Variants in ALPK1 observed in about 807,000 individuals in gnomAD.
ALPK1 encodes the protein alpha-protein kinase 1.
ALPK1 carries 110 observed loss-of-function variants against 120.6 expected under a neutral mutation model. That is an observed-to-expected ratio of 0.91 (90% confidence interval 0.78 to 1.07). The LOEUF (loss-of-function observed/expected upper bound fraction) is 1.07. Among genes scored for constraint, ALPK1 ranks in the 50% least tolerant of loss-of-function variants. ALPK1 has a pLI of 0.00. For synonymous variants in ALPK1, 582 were observed against 560.3 expected, an observed-to-expected ratio of 1.04 and a Z score of -0.55; for missense variants, 1,498 against 1,483.9, an observed-to-expected ratio of 1.01 and a Z score of -0.16.
intron 2 of ALPK1, chr4:112,359,086 C>T: frequency 1.3e-6 from 1 of 741,990 alleles, no homozygotes; most frequent in Non-Finnish European, 2.5e-6. Flanking sequence ...ACTGGAAGGA[C>T]AGCGCCGGAT....
chr4:112,411,349 C>G (rs1055736362), intron 4 of ALPK1, among the ~76,000 whole-genome samples: 4 of 152,146 alleles, frequency 2.6e-5, no homozygotes, highest in African/African-American at 9.7e-5. Flanking sequence ...CTCAGCCTCC[C>G]GAGTAGCTGG....
chr4:112,415,152 G>A (rs1356426679), intron 5 of ALPK1: 2 of 152,184 alleles, frequency 1.3e-5, no homozygotes, highest in Non-Finnish European at 2.9e-5. Context: ...TGAGTGTGGA[G>A]TCTGAATTTA....
intron 2 of ALPK1, among the ~76,000 whole-genome samples, chr4:112,333,293 C>A (rs1560640816): frequency 6.6e-6 from 1 of 152,202 alleles, no homozygotes; most frequent in Non-Finnish European, 1.5e-5. Flanking sequence ...TTTCTACTTT[C>A]ATTCCCAGAT....
chr4:112,423,906 C>A, intron 5 of ALPK1, 38 bp from the exon 6 acceptor site: 1 of 1,609,392 alleles, frequency 6.2e-7, no homozygotes, highest in South Asian at 1.1e-5. Context: ...AGTGCATGTT[C>A]AAAGCTAATT....
intron 13 of ALPK1, among the ~76,000 whole-genome samples, chr4:112,438,863 C>A (rs1281767072): frequency 6.6e-6 from 1 of 152,146 alleles, no homozygotes; most frequent in Non-Finnish European, 1.5e-5. Context: ...CATCTGTTGG[C>A]CTCACCCCTT....
Position 112,442,316 on chromosome 4 carries a change from G to A in ALPK1, c.*1106G>A, listed in dbSNP as rs1735071223. The stretch of plus-strand genomic sequence containing the variant: ...AAGAATGAGATCATGTCCTTTGCAG[G>A]GACATGGATAGAGCTGGAGGCCATT... On this transcript the variant is annotated 3_prime_UTR_variant, in exon 16 of 16. Coordinates refer to ENST00000650871, the MANE Select transcript of ALPK1 (RefSeq NM_025144.4). 6.6e-6 allele frequency: 1 copy of A among 152,134 alleles called. No individual in the cohort carries two copies. Among genetic ancestry groups the A allele is most frequent in the Non-Finnish European group, 1.5e-5 (1 of 68,020 alleles). 9.4% of individuals were successfully genotyped at this position (152,134 alleles called of 1,614,324 possible). A position where few individuals can be genotyped will look rare whatever the true frequency, so the allele number is the denominator to read the frequency against.
At chr4:112,424,151 G>A in intron 6 of ALPK1, 148 bp downstream of exon 6, 2 of 659,904 alleles carry the variant, frequency 3.0e-6, no homozygotes, top group East Asian at 2.9e-5. Flanking sequence ...GAATGAAGAA[G>A]CTTTGATCAA....
At chr4:112,366,681 G>A (rs772022372) in intron 2 of ALPK1, among the ~76,000 whole-genome samples, 6 of 152,142 alleles carry the variant, frequency 3.9e-5, no homozygotes, top group Non-Finnish European at 8.8e-5. Context: ...ATTTGATCCA[G>A]CAATCCCACT....
At chr4:112,364,096 A>C (rs552682176) in intron 2 of ALPK1, among the ~76,000 whole-genome samples, 1 of 152,282 alleles carries the variant, frequency 6.6e-6, no homozygotes, top group South Asian at 2.1e-4. Context: ...TTAAATGTCT[A>C]CACTAAAAAG....
intron 2 of ALPK1, among the ~76,000 whole-genome samples, chr4:112,333,393 G>A (rs1729470471): frequency 6.6e-6 from 1 of 152,142 alleles, no homozygotes; most frequent in Admixed American, 6.5e-5. Context: ...ACTATCCCTG[G>A]AACATAATTA....
chr4:112,370,577 A>G (rs1417581310), intron 2 of ALPK1, among the ~76,000 whole-genome samples: 3 of 152,240 alleles, frequency 2.0e-5, no homozygotes, highest in Non-Finnish European at 4.4e-5. Flanking sequence ...TGATTCCTTT[A>G]TAAATGAAGT....
chr4:112,357,882 G>A (rs1730715760), intron 2 of ALPK1: 5 of 1,153,600 alleles, frequency 4.3e-6, no homozygotes, highest in Non-Finnish European at 6.5e-6. Context: ...TGAGGCCGCT[G>A]TTTGTGGAGC....
intron 2 of ALPK1, among the ~76,000 whole-genome samples, chr4:112,332,144 G>A (rs1169009298): frequency 6.6e-6 from 1 of 152,204 alleles, no homozygotes; most frequent in Non-Finnish European, 1.5e-5. Flanking sequence ...AGTGGCAAGA[G>A]AGGTTTATTC....
chr4:112,310,466 A>G (rs1159899509), intron 1 of ALPK1, among the ~76,000 whole-genome samples: 4 of 152,124 alleles, frequency 2.6e-5, no homozygotes, highest in African/African-American at 9.7e-5. Context: ...ATCAGCGGGT[A>G]TGTGTTTTAA....
At chr4:112,328,286 C>T (rs1197599534) in intron 2 of ALPK1, among the ~76,000 whole-genome samples, 8 of 152,220 alleles carry the variant, frequency 5.3e-5, no homozygotes, top group Non-Finnish European at 8.8e-5. Flanking sequence ...CTGGTAGAAA[C>T]GTTTTGGCTC....
At chr4:112,366,019 A>C (rs1459793862) in intron 2 of ALPK1, among the ~76,000 whole-genome samples, 2 of 152,216 alleles carry the variant, frequency 1.3e-5, no homozygotes, top group Non-Finnish European at 2.9e-5. Flanking sequence ...GAAGAATAGA[A>C]CTGGATCCTC....
chr4:112,361,213 T>G (rs1730896359), intron 2 of ALPK1, among the ~76,000 whole-genome samples: 1 of 152,092 alleles, frequency 6.6e-6, no homozygotes, highest in Non-Finnish European at 1.5e-5. Flanking sequence ...CCACAGACCC[T>G]TTGAAGGAGG....
intron 1 of ALPK1, among the ~76,000 whole-genome samples, chr4:112,312,179 A>G (rs1264954840): frequency 6.6e-6 from 1 of 152,220 alleles, no homozygotes; most frequent in Non-Finnish European, 1.5e-5. Context: ...GTAGGATCAT[A>G]GATAATTCTT....
intron 5 of ALPK1, among the ~76,000 whole-genome samples, chr4:112,420,379 C>T (rs1159025386): frequency 1.3e-5 from 2 of 152,246 alleles, no homozygotes; most frequent in African/African-American, 4.8e-5. Context: ...AATACACATC[C>T]CTCTCATGTG....
Sources: allele counts gnomAD v4.1 joint callset (sites outside exome capture counted in the v4.1 genomes callset), GRCh38; gene constraint gnomAD v4.1.1; transcripts MANE v1.5; gene names NCBI Gene and HGNC (gene_info 2026-07-23, HGNC 2026-07-21).